MAML3: variants seen among roughly 807,000 people sequenced by gnomAD.
The protein encoded by MAML3 is mastermind like transcriptional coactivator 3.
A neutral mutation model predicts 101.9 loss-of-function variants in MAML3; 27 were observed. The ratio of observed to expected loss-of-function variants is 0.27; its 90% CI spans 0.20 to 0.37. The LOEUF is 0.37. Ranked by LOEUF, MAML3 falls within the 10% of genes least tolerant of loss-of-function variation. MAML3 has a pLI of 1.00. For synonymous variants in MAML3, 501 were observed against 555.9 expected (o/e 0.90, Z 1.39); for missense variants, 1,316 against 1,444.9 (o/e 0.91, Z 1.45).
intron 1 of MAML3, among the ~76,000 whole-genome samples, chr4:140,052,480 G>A (rs1353484798): frequency 1.3e-5 from 2 of 151,954 alleles, no homozygotes; most frequent in African/African-American, 2.4e-5. Context: ...TGTTCAGTGG[G>A]GTATGGGTGT....
intron 2 of MAML3, among the ~76,000 whole-genome samples, chr4:139,828,867 G>T (rs1731109363): frequency 6.6e-6 from 1 of 152,030 alleles, no homozygotes; most frequent in South Asian, 2.1e-4. Context: ...CTGACATAGG[G>T]CTAAGAATAG....
At chr4:140,039,466 C>T (rs376874043) in intron 1 of MAML3, among the ~76,000 whole-genome samples, 1 of 152,150 alleles carries the variant, frequency 6.6e-6, no homozygotes, top group Non-Finnish European at 1.5e-5. Flanking sequence ...ACTAAACATG[C>T]CTTGATCAGA....
intron 1 of MAML3, among the ~76,000 whole-genome samples, chr4:139,978,621 G>GAAA (rs1734388611): frequency 7.2e-6 from 1 of 138,440 alleles, no homozygotes; most frequent in South Asian, 2.2e-4. Context: ...CAAAAAAAAA[G>GAAA]AGAGAGAGAG....
At chr4:139,924,999 T>TC (rs1197667220) in intron 1 of MAML3, among the ~76,000 whole-genome samples, 1 of 152,004 alleles carries the variant, frequency 6.6e-6, no homozygotes, top group Non-Finnish European at 1.5e-5. Context: ...AACTTTTTTT[T>TC]TTCAGTGTTT....
At chr4:140,142,817 A>G (rs1578706934) in intron 1 of MAML3, among the ~76,000 whole-genome samples, 1 of 152,152 alleles carries the variant, frequency 6.6e-6, no homozygotes, top group East Asian at 1.9e-4. Flanking sequence ...GCTTCTTTCT[A>G]AATGTTCTCC....
chr4:140,047,377 A>G (rs1727199427), intron 1 of MAML3, among the ~76,000 whole-genome samples: 1 of 152,134 alleles, frequency 6.6e-6, no homozygotes, highest in South Asian at 2.1e-4. Flanking sequence ...AGAATTATAC[A>G]CCAGGAAGAA....
At chr4:139,801,057 A>G (rs1429809094) in intron 2 of MAML3, among the ~76,000 whole-genome samples, 2 of 152,192 alleles carry the variant, frequency 1.3e-5, no homozygotes, top group Non-Finnish European at 2.9e-5. Context: ...TCCAGTTGGA[A>G]TCTGCTTACT....
chr4:140,030,249 T>TC (rs1472202827), intron 1 of MAML3, among the ~76,000 whole-genome samples: 1 of 152,202 alleles, frequency 6.6e-6, no homozygotes, highest in African/African-American at 2.4e-5. Flanking sequence ...GTCAGTGACT[T>TC]CATGGCAGCT....
At chr4:140,150,132 A>G (rs1729134092) in intron 1 of MAML3, among the ~76,000 whole-genome samples, 1 of 152,156 alleles carries the variant, frequency 6.6e-6, no homozygotes, top group Non-Finnish European at 1.5e-5. Context: ...AACAGGCTAA[A>G]TCATTGTCAT....
intron 1 of MAML3, among the ~76,000 whole-genome samples, chr4:139,946,494 A>G (rs939320842): frequency 3.9e-5 from 6 of 152,156 alleles, no homozygotes; most frequent in Non-Finnish European, 2.9e-5. Flanking sequence ...GCACAAAGGT[A>G]ACTCCTGAAT....
At chr4:139,864,005 A>G (rs1454286829) in intron 2 of MAML3, among the ~76,000 whole-genome samples, 1 of 152,228 alleles carries the variant, frequency 6.6e-6, no homozygotes, top group African/African-American at 2.4e-5. Context: ...CTTCAGGTCC[A>G]TAATGATGTG....
chr4:139,719,194 A>T lies in MAML3; in HGVS notation c.*129T>A. The T allele has an allele frequency of 9.4e-7, 1 of 1,065,268 alleles. No homozygotes were observed. Among genetic ancestry groups the T allele is most frequent in the Non-Finnish European group, 1.3e-6 (1 of 764,704 alleles). The allele number at this position is 1,065,268 out of a possible 1,614,324, so 66.0% of individuals were successfully genotyped here. On this transcript the variant is annotated 3_prime_UTR_variant, in exon 5 of 5. Coordinates refer to ENST00000509479, the MANE Select transcript of MAML3 (RefSeq NM_018717.5). The stretch of plus-strand genomic sequence containing the variant: ...ATTGGCACCTGGATCTTCCATTGTC[A>T]GCCAGCTGCAGTTTTGCTCAGTTTA...
chr4:139,763,781 G>A (rs908789788), intron 2 of MAML3, among the ~76,000 whole-genome samples: 1 of 152,200 alleles, frequency 6.6e-6, no homozygotes, highest in Non-Finnish European at 1.5e-5. Context: ...ACGAGCAGCT[G>A]TAAAAGTGGA....
intron 1 of MAML3, among the ~76,000 whole-genome samples, chr4:140,061,384 C>G (rs1003830856): frequency 1.3e-5 from 2 of 152,202 alleles, no homozygotes; most frequent in African/African-American, 4.8e-5. Flanking sequence ...AAAAAACATA[C>G]TGCCTCTGAT....
intron 2 of MAML3, among the ~76,000 whole-genome samples, chr4:139,779,289 G>A (rs914353157): frequency 1.3e-5 from 2 of 152,182 alleles, no homozygotes; most frequent in African/African-American, 4.8e-5. Context: ...CCTCACAGAA[G>A]GCATAACTCT....
chr4:139,896,329 C>A (rs907080605), intron 1 of MAML3, among the ~76,000 whole-genome samples: 6 of 152,180 alleles, frequency 3.9e-5, no homozygotes, highest in African/African-American at 1.4e-4. Context: ...AAGCCCGAAG[C>A]CTCTTAGTAT....
At chr4:139,750,236 G>T (rs1254010498) in intron 2 of MAML3, among the ~76,000 whole-genome samples, 1 of 152,204 alleles carries the variant, frequency 6.6e-6, no homozygotes, top group Non-Finnish European at 1.5e-5. Context: ...AAGTGACAGG[G>T]AAGAAGGGGT....
In MAML3 at chr4:139,834,426, G is replaced by A. The variant is rs575208414; in HGVS notation, c.2079+54931C>T. ...CTAGGCAGTTTAGTGGCGGTAGCACGTAGACTGGGCCACTTCTGTATGTGG... is the reference window on the plus strand; with the variant it reads ...CTAGGCAGTTTAGTGGCGGTAGCACATAGACTGGGCCACTTCTGTATGTGG... On this transcript the variant is annotated intron_variant, in intron 2 of 4. Transcript: ENST00000509479. 6.6e-5 allele frequency among the ~76,000 whole-genome samples: 10 copies of A among 152,358 alleles called. No homozygotes were observed. In the East Asian group the frequency reaches 7.7e-4, roughly 12 times the overall value.
intron 4 of MAML3, among the ~76,000 whole-genome samples, chr4:139,723,710 C>T (rs1728353319): frequency 6.6e-6 from 1 of 152,082 alleles, no homozygotes; most frequent in Admixed American, 6.5e-5. Context: ...CCCCTTTTCC[C>T]CCACAAATAA....
Sources: gnomAD v4.1 joint callset for allele counts (sites outside exome capture counted in the v4.1 genomes callset) on GRCh38, gnomAD v4.1.1 for gene constraint, MANE v1.5 for transcripts, NCBI Gene and HGNC (gene_info 2026-07-23, HGNC 2026-07-21) for gene names.